Variants in FERRY3 observed in about 807,000 individuals in gnomAD.
FERRY3 encodes protein C12orf4.
At chr12:4,519,442 T>C in the FERRY3 span, among the ~76,000 whole-genome samples, 5 of 152,194 alleles carry the variant, frequency 3.3e-5, no homozygotes, top group Admixed American at 2.0e-4. This position sits in a 1 kb window ranked among gnomAD's most constrained non-coding sequence, Gnocchi z 4.3. Flanking sequence ...CTCTTTATAG[T>C]TCCTGAGAAG....
At chr12:4,513,296 C>G in the FERRY3 span, among the ~76,000 whole-genome samples, 1 of 151,148 alleles carries the variant, frequency 6.6e-6, no homozygotes, top group South Asian at 2.1e-4. Flanking sequence ...GAATCAATAT[C>G]GTGAAAATGG....
the FERRY3 span, among the ~76,000 whole-genome samples, chr12:4,512,492 T>C: frequency 4.4e-3 from 673 of 152,306 alleles, 1 homozygote; most frequent in African/African-American, 0.016. Flanking sequence ...AAATCCTCAA[T>C]AAAATACTGG....
At chr12:4,519,691 G>A in the FERRY3 span, among the ~76,000 whole-genome samples, 5 of 152,302 alleles carry the variant, frequency 3.3e-5, no homozygotes, top group East Asian at 1.9e-4. This position sits in a 1 kb window ranked among gnomAD's most constrained non-coding sequence, Gnocchi z 4.3. Flanking sequence ...GAACCGGGCC[G>A]CACAGCAGGA....
the FERRY3 span, chr12:4,491,204 C>T: frequency 6.2e-7 from 1 of 1,613,266 alleles, no homozygotes; most frequent in Non-Finnish European, 8.5e-7. Flanking sequence ...ACAAGTTCCG[C>T]TCTCCTTAAG....
chr12:4,490,423 G>T, the FERRY3 span: 2 of 871,232 alleles, frequency 2.3e-6, no homozygotes, highest in Non-Finnish European at 3.5e-6. Context: ...TTAGCCTTTT[G>T]TGTTGTTTTT....
At chr12:4,507,488 G>A in the FERRY3 span, among the ~76,000 whole-genome samples, 12 of 151,772 alleles carry the variant, frequency 7.9e-5, no homozygotes, top group East Asian at 1.5e-3. Flanking sequence ...CCAATACTAC[G>A]GAAAATTATA....
chr12:4,513,494 T>C, the FERRY3 span, among the ~76,000 whole-genome samples: 2 of 149,282 alleles, frequency 1.3e-5, no homozygotes, highest in African/African-American at 4.9e-5. Context: ...CTTCAAACTA[T>C]ACTACAAGGC....
At chr12:4,514,291 T>C in the FERRY3 span, among the ~76,000 whole-genome samples, 2 of 150,426 alleles carry the variant, frequency 1.3e-5, no homozygotes, top group Non-Finnish European at 2.9e-5. Flanking sequence ...TTTTACACTG[T>C]TGGTGGGACT....
chr12:4,531,029 TTATAA>T, the FERRY3 span, among the ~76,000 whole-genome samples: 5 of 152,106 alleles, frequency 3.3e-5, no homozygotes, highest in South Asian at 2.1e-4. Flanking sequence ...AAACTGGAAT[TTATAA>T]TATGACTTAA....
At chr12:4,524,707 G>T in the FERRY3 span, among the ~76,000 whole-genome samples, 1 of 152,072 alleles carries the variant, frequency 6.6e-6, no homozygotes. Flanking sequence ...AATAACATAG[G>T]TATGGTCAAG....
At chr12:4,503,659 C>T in the FERRY3 span, among the ~76,000 whole-genome samples, 5,513 of 152,136 alleles carry the variant, frequency 0.036, 331 homozygotes, top group African/African-American at 0.12. Context: ...ACTTATGATA[C>T]ATCCTCCTGA....
the FERRY3 span, chr12:4,489,903 T>G: frequency 6.4e-7 from 1 of 1,558,966 alleles, no homozygotes; most frequent in Middle Eastern, 1.7e-4. Flanking sequence ...AAATACTCTG[T>G]AAGACGAAAA....
At chr12:4,525,978 A>G in the FERRY3 span, among the ~76,000 whole-genome samples, 6 of 152,244 alleles carry the variant, frequency 3.9e-5, no homozygotes, top group African/African-American at 1.2e-4. Context: ...ATATGAACTA[A>G]AGTGACTTCA....
At chr12:4,533,921 G>A in the FERRY3 span, 173 of 338,506 alleles carry the variant, frequency 5.1e-4, no homozygotes, top group Middle Eastern at 8.6e-3. Context: ...GAGACCCTGT[G>A]CTGGTGAGAT....
At chr12:4,523,933 A>G in the FERRY3 span, among the ~76,000 whole-genome samples, 1 of 152,178 alleles carries the variant, frequency 6.6e-6, no homozygotes, top group Non-Finnish European at 1.5e-5. Flanking sequence ...CGTTGTGCAC[A>G]TGTACCCTAG....
chr12:4,507,937 T>C, the FERRY3 span, among the ~76,000 whole-genome samples: 4 of 152,354 alleles, frequency 2.6e-5, no homozygotes, highest in East Asian at 7.7e-4. Flanking sequence ...GGAAACTGGA[T>C]GGCTGGGAAC....
chr12:4,503,456 T>C, the FERRY3 span, among the ~76,000 whole-genome samples: 2 of 152,238 alleles, frequency 1.3e-5, no homozygotes, highest in Non-Finnish European at 2.9e-5. Flanking sequence ...TAGATCATTA[T>C]TAAGTAAACT....
At chr12:4,501,304 G>C in the FERRY3 span, among the ~76,000 whole-genome samples, 1 of 152,236 alleles carries the variant, frequency 6.6e-6, no homozygotes, top group East Asian at 1.9e-4. Context: ...TCTTCATGCA[G>C]TTATGACTTA....
chr12:4,538,403 G>C, the FERRY3 span: 2 of 158,424 alleles, frequency 1.3e-5, no homozygotes, highest in Non-Finnish European at 2.8e-5. Flanking sequence ...TCGGTTCTGG[G>C]CTCACCTCGT....
Sources: allele counts gnomAD v4.1 joint callset (sites outside exome capture counted in the v4.1 genomes callset), GRCh38; gene constraint gnomAD v4.1.1; non-coding constraint Gnocchi (gnomAD v3.1); transcripts MANE v1.5; gene names NCBI Gene and HGNC (gene_info 2026-07-23, HGNC 2026-07-21).